The following RPS6KA2 variants were observed in gnomAD, a reference collection of about 807,000 sequenced individuals.
RPS6KA2 encodes ribosomal protein S6 kinase alpha-2.
In RPS6KA2, 42 loss-of-function variants were observed where a neutral mutation model predicts 91.8. The observed-to-expected ratio is 0.46, with a 90% CI of 0.36 to 0.59. The LOEUF (loss-of-function observed/expected upper bound fraction) is 0.59, where lower values mean the gene tolerates loss of function less well. Among genes scored for constraint, RPS6KA2 ranks in the 20% least tolerant of loss-of-function variants. RPS6KA2 has a pLI of 0.00. For missense variants in RPS6KA2, 798 were observed against 978.5 expected (o/e 0.82, Z 2.46); for synonymous variants, 414 against 393.6 (o/e 1.05, Z -0.61).
chr6:166,498,764 C>A (rs2128477242), intron 7 of RPS6KA2, 114 bp from the exon 8 acceptor site: 5 of 1,331,894 alleles, frequency 3.8e-6, no homozygotes, highest in Non-Finnish European at 5.2e-6. Flanking sequence ...CAGGTGGGCG[C>A]AGCAGAGCCC....
chr6:166,492,130 A>G (rs905791235), intron 8 of RPS6KA2, among the ~76,000 whole-genome samples: 1 of 152,186 alleles, frequency 6.6e-6, no homozygotes, highest in Non-Finnish European at 1.5e-5. Flanking sequence ...TATTAATATT[A>G]CCAGTCTGCT....
chr6:166,480,384 C>G (rs1223472594), intron 10 of RPS6KA2, among the ~76,000 whole-genome samples: 2 of 150,484 alleles, frequency 1.3e-5, no homozygotes, highest in Non-Finnish European at 2.9e-5. Context: ...ATAGCCCCTT[C>G]GTAAGACAGG....
intron 1 of RPS6KA2, among the ~76,000 whole-genome samples, chr6:166,541,467 CTGCCTTTGTGGGACA>C (rs1321004585): frequency 6.6e-6 from 1 of 152,242 alleles, no homozygotes; most frequent in Non-Finnish European, 1.5e-5. Context: ...GTCCCCTTCA[CTGCCTTTGTGGGACA>C]TGCCTTTGTG....
chr6:166,700,235 T>C (rs1279175590), intron 2 of RPS6KA2, among the ~76,000 whole-genome samples: 2 of 152,198 alleles, frequency 1.3e-5, no homozygotes, highest in Non-Finnish European at 1.5e-5. Context: ...AGAAACTTTC[T>C]CAACTATAAA....
chr6:166,453,232 A>ACACACAC (rs1562504101), intron 12 of RPS6KA2, among the ~76,000 whole-genome samples: 2 of 94,282 alleles, frequency 2.1e-5, no homozygotes, highest in Non-Finnish European at 5.0e-5. Flanking sequence ...CACACACACA[A>ACACACAC]AAAGGCTTTA....
intron 1 of RPS6KA2, among the ~76,000 whole-genome samples, chr6:166,588,572 A>G (rs753087133): frequency 6.6e-6 from 1 of 152,116 alleles, no homozygotes; most frequent in Non-Finnish European, 1.5e-5. Context: ...CCTGTCCCCA[A>G]CCTCTCGCTC....
intron 14 of RPS6KA2, among the ~76,000 whole-genome samples, chr6:166,438,548 C>T (rs575023117): frequency 4.6e-5 from 7 of 152,288 alleles, no homozygotes; most frequent in African/African-American, 1.4e-4. Context: ...AATTTGCTAC[C>T]GAAAAGGGAG....
intron 1 of RPS6KA2, among the ~76,000 whole-genome samples, chr6:166,560,593 A>T (rs1434120943): frequency 6.6e-6 from 1 of 152,014 alleles, no homozygotes; most frequent in Non-Finnish European, 1.5e-5. Flanking sequence ...AAATCACAAA[A>T]CACACACCCA....
intron 2 of RPS6KA2, among the ~76,000 whole-genome samples, chr6:166,819,266 T>C (rs1779844468): frequency 6.6e-6 from 1 of 152,240 alleles, no homozygotes; most frequent in Non-Finnish European, 1.5e-5. Context: ...TTTTACAAGG[T>C]AAGCAAATAT....
At chr6:166,717,524 A>G (rs1790046203) in intron 2 of RPS6KA2, among the ~76,000 whole-genome samples, 2 of 152,194 alleles carry the variant, frequency 1.3e-5, no homozygotes, top group South Asian at 4.1e-4. Flanking sequence ...CTGGGGTTCC[A>G]AGGAAACTGG....
In RPS6KA2 at chr6:166,641,924, T is replaced by C. The variant is rs548229535; in HGVS notation, c.124-103140A>G. On this transcript the variant is annotated intron_variant, in intron 2 of 21. Transcript: ENST00000503859. ...TAGAAGGAGAAAAATCCAGCATGCC[T>C]CTGACTATTAGAATGAGACAGAAGA... Among the ~76,000 whole-genome samples the C allele has an allele frequency of 7.3e-5, 11 of 151,644 alleles. No individual in the cohort carries two copies. The South Asian group carries it at 2.3e-3, about 32-fold the overall frequency.
intron 1 of RPS6KA2, among the ~76,000 whole-genome samples, chr6:166,581,218 A>G (rs1784998354): frequency 6.6e-6 from 1 of 152,134 alleles, no homozygotes; most frequent in African/African-American, 2.4e-5. Context: ...TATTGCACAT[A>G]CATATTGTCT....
At position 166,665,039 on chromosome 6, in the gene RPS6KA2, G is replaced by A. The variant is rs1309395841; in HGVS notation, c.124-126255C>T. Among the ~76,000 whole-genome samples the A allele has an allele frequency of 6.6e-6, 1 of 152,192 alleles. No homozygotes were observed. The highest frequency in any genetic ancestry group is 1.5e-5 in the Non-Finnish European group (1 of 68,032). Reference sequence around the variant, plus strand: ...GCAAGAGGATTGCTTGAGCCCAGAAGTTGGAGACCAACCTGGGCAAAATAG... The same window carrying A: ...GCAAGAGGATTGCTTGAGCCCAGAAATTGGAGACCAACCTGGGCAAAATAG... On this transcript the variant is annotated intron_variant, in intron 2 of 21. Coordinates refer to the RPS6KA2 transcript ENST00000503859. This position sits in a 1 kb window ranked among gnomAD's most constrained non-coding sequence, Gnocchi z 4.5.
chr6:166,521,382 AC>A (rs1213293569), intron 3 of RPS6KA2, among the ~76,000 whole-genome samples: 1 of 152,178 alleles, frequency 6.6e-6, no homozygotes, highest in African/African-American at 2.4e-5. Flanking sequence ...AAAAGGCAGG[AC>A]CCCTGCTCCA....
At chr6:166,769,784 A>G (rs1276231228) in intron 2 of RPS6KA2, among the ~76,000 whole-genome samples, 3 of 152,184 alleles carry the variant, frequency 2.0e-5, no homozygotes, top group Non-Finnish European at 2.9e-5. Flanking sequence ...AGCCTCTCCC[A>G]TCAGGGACTT....
At position 166,412,800 on chromosome 6, in the gene RPS6KA2, G is replaced by A. The variant is rs768306540; in HGVS notation, c.2164C>T (p.Arg722Cys). ...GACGTGAGTCTCTTCATGCCTCTGCGCTGAGCCAGGTTGGATGACAGCACG... is the reference window on the plus strand; with the variant it reads ...GACGTGAGTCTCTTCATGCCTCTGCACTGAGCCAGGTTGGATGACAGCACG... ...EPVLSSNLAQ[R>C]RGMKRLTSTR... The change falls in exon 21 of 21, where the codon CGC becomes TGC. Residue 722 changes from arginine to cysteine, a missense_variant. Transcript: ENST00000265678. The surrounding 1 kb of genome is among the most constrained non-coding windows in gnomAD (Gnocchi z 4.3). 3.1e-6 allele frequency: 5 copies of A among 1,594,576 alleles called. No individual in the cohort carries two copies. Among genetic ancestry groups the A allele is most frequent in the African/African-American group, 1.3e-5 (1 of 74,782 alleles).
At position 166,445,746 on chromosome 6, in the gene RPS6KA2, G is replaced by A. The variant is rs141994824; in HGVS notation, c.1332+2978C>T. Among the ~76,000 whole-genome samples, 49 of 152,298 alleles carry A rather than the reference G, an allele frequency of 3.2e-4. No homozygotes were observed. In the East Asian group the frequency reaches 7.7e-3, roughly 24 times the overall value. On this transcript the variant is annotated intron_variant, in intron 14 of 20. Transcript: ENST00000265678. This position sits in a 1 kb window ranked among gnomAD's most constrained non-coding sequence, Gnocchi z 4.5. ...GGAGGATGCCCTGTCTGGCTGTGAC[G>A]GGACTGCTTCTGAAGCAGACCCCGT...
chr6:166,553,986 G>A lies in RPS6KA2; in HGVS notation c.100-15202C>T, dbSNP rs560461280. ...GTCTGTTCATGGGAAACTAGTATGC[G>A]TATTTCAGAAGGAGCTCTCACCTAC... is the stretch of plus-strand genomic sequence containing the variant. On this transcript the variant is annotated intron_variant, in intron 1 of 20. Transcript: ENST00000265678. Among the ~76,000 whole-genome samples the A allele has an allele frequency of 6.0e-4, 92 of 152,204 alleles. 2 individuals are homozygous for A. Among genetic ancestry groups the A allele is most frequent in the Non-Finnish European group, 1.1e-3 (76 of 68,028 alleles).
In RPS6KA2 at chr6:166,667,022, C is replaced by T. The variant is rs530888886; in HGVS notation, c.124-128238G>A. Reference sequence around the variant, plus strand: ...AAAAGACAAATACTGTATGATTCCGCTTACGTGAGGTACCGAGAATACTCA... The same window carrying T: ...AAAAGACAAATACTGTATGATTCCGTTTACGTGAGGTACCGAGAATACTCA... On this transcript the variant is annotated intron_variant, in intron 2 of 21. Coordinates refer to the RPS6KA2 transcript ENST00000503859. Among the ~76,000 whole-genome samples the T allele has an allele frequency of 5.3e-5, 8 of 152,260 alleles. No individual in the cohort carries two copies. In the South Asian group the frequency reaches 1.4e-3, roughly 28 times the overall value.
Sources: gnomAD v4.1 joint callset for allele counts (sites outside exome capture counted in the v4.1 genomes callset) on GRCh38, gnomAD v4.1.1 for gene constraint, Gnocchi (gnomAD v3.1) non-coding constraint, MANE v1.5 for transcripts, NCBI Gene and HGNC (gene_info 2026-07-23, HGNC 2026-07-21) for gene names.